TLN2: variants seen among roughly 807,000 people sequenced by gnomAD.
TLN2 encodes talin-2.
In TLN2, 118 loss-of-function variants were observed where a neutral mutation model predicts 294.7. The ratio of observed to expected loss-of-function variants is 0.40; its 90% CI spans 0.34 to 0.47. The LOEUF is 0.47. Among genes scored for constraint, TLN2 ranks in the 20% least tolerant of loss-of-function variants. The pLI, the probability that TLN2 is intolerant of heterozygous loss-of-function variation, is 0.84. For synonymous variants in TLN2, 1,431 were observed against 1,304.5 expected (o/e 1.10, Z -2.09); for missense variants, 3,083 against 3,282.2 (o/e 0.94, Z 1.48).
At chr15:62,606,896 G>T (rs2047497606) in intron 2 of TLN2, among the ~76,000 whole-genome samples, 1 of 152,156 alleles carries the variant, frequency 6.6e-6, no homozygotes, top group Non-Finnish European at 1.5e-5. Flanking sequence ...CTCAGCGCAG[G>T]CTTGGCACAG....
intron 3 of TLN2, among the ~76,000 whole-genome samples, chr15:62,643,074 A>G (rs1412793215): frequency 2.0e-5 from 3 of 152,078 alleles, no homozygotes; most frequent in Admixed American, 2.0e-4. Flanking sequence ...TTTGCCAGGT[A>G]CTTATTTTGT....
chr15:62,651,399 TC>T (rs5813157), intron 5 of TLN2, among the ~76,000 whole-genome samples: 10,049 of 152,252 alleles, frequency 0.066, 527 homozygotes, highest in African/African-American at 0.14. Flanking sequence ...TATAGAATGT[TC>T]AGTACACTAT....
intron 1 of TLN2, among the ~76,000 whole-genome samples, chr15:62,537,714 G>C (rs1404300730): frequency 6.6e-6 from 1 of 152,150 alleles, no homozygotes; most frequent in African/African-American, 2.4e-5. Flanking sequence ...AATGTTAAAG[G>C]ATTGTTTGAA....
chr15:62,704,568 C>T (rs2058937031), intron 19 of TLN2, among the ~76,000 whole-genome samples: 1 of 152,212 alleles, frequency 6.6e-6, no homozygotes, highest in Non-Finnish European at 1.5e-5. Flanking sequence ...GCCTGTGGCA[C>T]TGGGCTATGG....
At chr15:62,543,299 T>C (rs1224365170) in intron 1 of TLN2, among the ~76,000 whole-genome samples, 2 of 152,140 alleles carry the variant, frequency 1.3e-5, no homozygotes, top group Non-Finnish European at 2.9e-5. Context: ...AACAAGGAGG[T>C]TGGACTTCAT....
chr15:62,471,416 A>G (rs2037466761), intron 1 of TLN2, among the ~76,000 whole-genome samples: 1 of 152,212 alleles, frequency 6.6e-6, no homozygotes, highest in African/African-American at 2.4e-5. Flanking sequence ...TCATATATGA[A>G]GATAAGAGTA....
At chr15:62,451,213 G>C (rs2036123783) in intron 1 of TLN2, among the ~76,000 whole-genome samples, 1 of 152,196 alleles carries the variant, frequency 6.6e-6, no homozygotes, top group South Asian at 2.1e-4. Flanking sequence ...TCTAAGGGCC[G>C]TGTGCACCAC....
At chr15:62,755,745 G>A (rs377642188) in intron 37 of TLN2, 52 bp downstream of exon 37, 98 of 1,597,622 alleles carry the variant, frequency 6.1e-5, no homozygotes, top group African/African-American at 1.1e-4. Context: ...CTGTTCTGGC[G>A]GGGGAAGGGG....
intron 43 of TLN2, among the ~76,000 whole-genome samples, chr15:62,777,769 AAG>A (rs1238692066): frequency 6.6e-6 from 1 of 152,248 alleles, no homozygotes; most frequent in Non-Finnish European, 1.5e-5. Context: ...ACAGACATGT[AAG>A]AGAACATGAG....
intron 14 of TLN2, 130 bp from the exon 15 acceptor site, chr15:62,697,558 G>T (rs961586870): frequency 1.5e-5 from 14 of 947,580 alleles, no homozygotes; most frequent in Middle Eastern, 4.5e-4. Context: ...CTGCTTCTCA[G>T]TCTGTATGTG....
At chr15:62,704,166 A>T (rs940918447) in intron 19 of TLN2, among the ~76,000 whole-genome samples, 5 of 152,066 alleles carry the variant, frequency 3.3e-5, no homozygotes, top group African/African-American at 1.2e-4. Context: ...TATATAATGA[A>T]ATATTTACTT....
intron 2 of TLN2, among the ~76,000 whole-genome samples, chr15:62,617,773 A>T (rs964033910): frequency 1.3e-5 from 2 of 152,168 alleles, no homozygotes; most frequent in African/African-American, 4.8e-5. Flanking sequence ...GAGGAGAAGG[A>T]TGTTAGTGCT....
At chr15:62,667,187 C>G (rs373113164) in intron 9 of TLN2, among the ~76,000 whole-genome samples, 7 of 152,188 alleles carry the variant, frequency 4.6e-5, no homozygotes, top group East Asian at 1.9e-4. Context: ...AGGATGGTCT[C>G]GATCTCCTGA....
chr15:62,782,624 G>C (rs1306395642), intron 44 of TLN2, among the ~76,000 whole-genome samples: 1 of 152,194 alleles, frequency 6.6e-6, no homozygotes, highest in African/African-American at 2.4e-5. Flanking sequence ...AGGATGCCCA[G>C]ACTCCCAGTG....
chr15:62,429,771 A>G (rs2034916273), intron 1 of TLN2, among the ~76,000 whole-genome samples: 1 of 152,242 alleles, frequency 6.6e-6, no homozygotes, highest in African/African-American at 2.4e-5. Flanking sequence ...GAAACTTTCT[A>G]GAAGCAAACA....
intron 13 of TLN2, among the ~76,000 whole-genome samples, chr15:62,694,035 C>G (rs1437879531): frequency 6.9e-6 from 1 of 145,270 alleles, no homozygotes; most frequent in African/African-American, 2.6e-5. Flanking sequence ...GTGGCGCTGT[C>G]TCGGCTCACT....
intron 1 of TLN2, among the ~76,000 whole-genome samples, chr15:62,456,091 T>C (rs1210233698): frequency 1.3e-5 from 2 of 150,426 alleles, no homozygotes; most frequent in Non-Finnish European, 3.0e-5. Flanking sequence ...AGAACCTTAC[T>C]GGATCAAGCC....
At chr15:62,815,318 A>G (rs956974121) in intron 52 of TLN2, among the ~76,000 whole-genome samples, 1 of 152,106 alleles carries the variant, frequency 6.6e-6, no homozygotes, top group African/African-American at 2.4e-5. Context: ...CCATTCTGAA[A>G]AAGAGTTGAC....
chr15:62,393,571 C>T (rs1290174970), intron 1 of TLN2, among the ~76,000 whole-genome samples: 1 of 152,102 alleles, frequency 6.6e-6, no homozygotes, highest in African/African-American at 2.4e-5. Flanking sequence ...CAGTAAAGGA[C>T]GATTACAGGT....
Sources: allele counts gnomAD v4.1 joint callset (sites outside exome capture counted in the v4.1 genomes callset), GRCh38; gene constraint gnomAD v4.1.1; transcripts MANE v1.5; gene names NCBI Gene and HGNC (gene_info 2026-07-23, HGNC 2026-07-21).